The following AGBL2 variants were observed in gnomAD, a reference collection of about 807,000 sequenced individuals.
AGBL2 encodes AGBL carboxypeptidase 2.
In AGBL2, 87 loss-of-function variants were observed where a neutral mutation model predicts 103.0. The ratio of observed to expected loss-of-function variants is 0.84; its 90% CI spans 0.71 to 1.01. AGBL2 has a LOEUF of 1.01. Among genes scored for constraint, AGBL2 ranks in the 50% least tolerant of loss-of-function variants. AGBL2 has a pLI of 0.00. For synonymous variants in AGBL2, 335 were observed against 356.7 expected, an observed-to-expected ratio of 0.94 and a Z score of 0.69; for missense variants, 904 against 1,023.5, an observed-to-expected ratio of 0.88 and a Z score of 1.59.
At chr11:47,670,902 G>C (rs1042299055) in intron 14 of AGBL2, among the ~76,000 whole-genome samples, 19 of 151,942 alleles carry the variant, frequency 1.3e-4, no homozygotes, top group African/African-American at 4.4e-4. Context: ...GGTTGAGCTG[G>C]GAGGATCATT....
intron 14 of AGBL2, among the ~76,000 whole-genome samples, chr11:47,671,482 C>T (rs1276147009): frequency 1.3e-5 from 2 of 152,070 alleles, no homozygotes; most frequent in Non-Finnish European, 2.9e-5. Flanking sequence ...GAGCCGAGAT[C>T]GCACCACTAC....
At chr11:47,667,419 CT>C (rs2097344140) in intron 16 of AGBL2, 151 bp downstream of exon 16, 1 of 970,654 alleles carries the variant, frequency 1.0e-6, no homozygotes, top group Admixed American at 2.5e-5. Context: ...CGGAGGGCCC[CT>C]GGAAGGGTTC....
intron 7 of AGBL2, among the ~76,000 whole-genome samples, chr11:47,701,973 CAAAA>C (rs11319513): frequency 2.8e-5 from 3 of 107,614 alleles, no homozygotes; most frequent in Admixed American, 9.7e-5. Context: ...ACTCTGTTCT[CAAAA>C]AAAAAAAAAA....
chr11:47,701,327 C>T (rs973253284), intron 7 of AGBL2, among the ~76,000 whole-genome samples: 2 of 150,866 alleles, frequency 1.3e-5, no homozygotes, highest in African/African-American at 2.4e-5. Context: ...AAAAATTAGC[C>T]AGGCGTGGTG....
chr11:47,702,702 C>T lies in AGBL2; in HGVS notation c.586+1841G>A, dbSNP rs60038728. On this transcript the variant is annotated intron_variant, in intron 7 of 18. Coordinates refer to ENST00000525123, the MANE Select transcript of AGBL2 (RefSeq NM_024783.4). ...CAGCCTGACCAAGATGGTGAAACCC[C>T]GTCTGTACTAAAAATACAAAAATTA... Among the ~76,000 whole-genome samples, 4 of 151,618 alleles carry T rather than the reference C, an allele frequency of 2.6e-5. No individual in the cohort carries two copies. In the East Asian group the frequency reaches 7.8e-4, roughly 29 times the overall value.
At chr11:47,678,325 A>ATTATTTTTTTTTTT in intron 13 of AGBL2, among the ~76,000 whole-genome samples, 1 of 116,168 alleles carries the variant, frequency 8.6e-6, no homozygotes, top group South Asian at 3.9e-4. Context: ...ATTTTATTTT[A>ATTATTTTTTTTTTT]TTTTATTTTA....
At position 47,660,193 on chromosome 11, in the gene AGBL2, G is replaced by A; in HGVS notation, c.2689C>T (p.His897Tyr). The A allele has an allele frequency of 2.5e-6, 4 of 1,614,006 alleles. No individual in the cohort carries two copies. The highest frequency in any genetic ancestry group is 2.5e-6 in the Non-Finnish European group (3 of 1,179,996). Residue 897 changes from histidine to tyrosine, a missense_variant, in exon 19 of 19, where the codon CAC (histidine) becomes TAC (tyrosine). His to Tyr is a moderately conservative substitution (Grantham distance 83). Transcript: ENST00000525123. ...CAAMAAYPSL[H>Y]IYTYP is the part of the protein sequence containing the mutation. Reference sequence around the variant, plus strand: ...CTCACCTACGGGTATGTGTATATGTGCAAGGATGGGTATGCCGCCATGGCA... The same window carrying A: ...CTCACCTACGGGTATGTGTATATGTACAAGGATGGGTATGCCGCCATGGCA...
chr11:47,714,466 G>T (rs879021245), intron 2 of AGBL2, 119 bp from the exon 3 acceptor site: 1 of 1,317,380 alleles, frequency 7.6e-7, no homozygotes, highest in Non-Finnish European at 1.1e-6. Flanking sequence ...TGCATTCCAT[G>T]CGAATTATTC....
Position 47,704,705 on chromosome 11 carries a change from G to A in AGBL2, c.424C>T (p.His142Tyr), listed in dbSNP as rs1036824708. 8.7e-6 allele frequency: 14 copies of A among 1,613,960 alleles called. No individual in the cohort carries two copies. Among genetic ancestry groups the A allele is most frequent in the Non-Finnish European group, 1.2e-5 (14 of 1,180,024 alleles). Reference sequence around the variant, plus strand: ...TAAAGAAGCTGTCTGCTCCTAAGATGTGGTAAACTCAGCATATGTGAATCT... The same window carrying A: ...TAAAGAAGCTGTCTGCTCCTAAGATATGGTAAACTCAGCATATGTGAATCT... ...ITDSHMLSLP[H>Y]LRSRQLLYDE... The change falls in exon 7 of 19, where the codon CAT becomes TAT. Residue 142 changes from histidine (H) to tyrosine (Y), a missense_variant. Coordinates refer to ENST00000525123, the MANE Select transcript of AGBL2 (RefSeq NM_024783.4).
chr11:47,694,101 G>A (rs4752861), intron 8 of AGBL2, among the ~76,000 whole-genome samples: 1 of 152,106 alleles, frequency 6.6e-6, no homozygotes, highest in Non-Finnish European at 1.5e-5. Flanking sequence ...GGGATGCTGA[G>A]GCGGCAGGAT....
rs778128822 is a variant in AGBL2 at position 47,685,881 on chromosome 11, T to C, written c.1788+12A>G. 6.2e-7 allele frequency: 1 copy of C among 1,611,838 alleles called. No homozygotes were observed. Among genetic ancestry groups the C allele is most frequent in the African/African-American group, 1.3e-5 (1 of 74,816 alleles). On this transcript the variant is annotated intron_variant, in intron 11 of 18. Transcript: ENST00000525123. ...CTAACTCAATGGAGAGAAAATTACA[T>C]TATGTGCTTACCTTATCTGGTGCAT...
chr11:47,680,784 C>T (rs1156295716), intron 12 of AGBL2, among the ~76,000 whole-genome samples: 1 of 40,718 alleles, frequency 2.5e-5, no homozygotes, highest in Non-Finnish European at 7.0e-5. Flanking sequence ...GAGGGAGACC[C>T]TGAAACAAAA....
intron 8 of AGBL2, among the ~76,000 whole-genome samples, chr11:47,694,772 G>C (rs10838747): frequency 0.28 from 41,949 of 152,094 alleles, 6,814 homozygotes; most frequent in Middle Eastern, 0.38. Flanking sequence ...TCCAACACCA[G>C]CATTCCACAT....
chr11:47,668,928 G>A, intron 14 of AGBL2, 21 bp from the exon 15 acceptor site: 1 of 1,579,918 alleles, frequency 6.3e-7, no homozygotes, highest in Non-Finnish European at 8.7e-7. Flanking sequence ...AAGAAAAAAA[G>A]AAGAGGAAAT....
At chr11:47,709,760 G>C (rs746976217) in intron 4 of AGBL2, among the ~76,000 whole-genome samples, 6 of 151,630 alleles carry the variant, frequency 4.0e-5, no homozygotes, top group African/African-American at 1.2e-4. Context: ...GCTAATTTTT[G>C]TATGTTTCTG....
At chr11:47,710,063 A>G (rs2097532583) in intron 4 of AGBL2, among the ~76,000 whole-genome samples, 1 of 151,490 alleles carries the variant, frequency 6.6e-6, no homozygotes, top group South Asian at 2.1e-4. Flanking sequence ...TAATTTTTAT[A>G]TTTTTAGTAG....
chr11:47,690,514 T>C lies in AGBL2; in HGVS notation c.1193A>G (p.Tyr398Cys), dbSNP rs1335710244. 6.2e-7 allele frequency: 1 copy of C among 1,613,992 alleles called. No homozygotes were observed. The highest frequency in any genetic ancestry group is 1.3e-5 in the African/African-American group (1 of 74,904). Residue 398 changes from tyrosine (Y) to cysteine (C), a missense_variant, in exon 10 of 19, where the codon TAT becomes TGT. Physicochemically the swap from Tyr to Cys is radical, Grantham distance 194 (BLOSUM62 -2). Coordinates refer to ENST00000525123, the MANE Select transcript of AGBL2 (RefSeq NM_024783.4). ...GTAGCATTGCAAATCAGTGTATGTA[T>C]ATGGGTAGAAGTGTGCAAAGAAGCA... ...DTCFFAHFYPYTYTDLQCYLL... is the reference protein window; with the variant it reads ...DTCFFAHFYPCTYTDLQCYLL...
chr11:47,714,177 C>T (rs1428776572), intron 3 of AGBL2, 107 bp downstream of exon 3: 3 of 791,746 alleles, frequency 3.8e-6, no homozygotes, highest in Non-Finnish European at 4.3e-6. Flanking sequence ...ATTTATTTGT[C>T]AATGCAAATT....
chr11:47,712,528 T>C (rs528896325), intron 3 of AGBL2, among the ~76,000 whole-genome samples: 12 of 152,342 alleles, frequency 7.9e-5, no homozygotes, highest in Non-Finnish European at 1.2e-4. Flanking sequence ...TAGTCATAGA[T>C]TGGAGAACCC....
Sources: gnomAD v4.1 joint callset for allele counts (sites outside exome capture counted in the v4.1 genomes callset) on GRCh38, gnomAD v4.1.1 for gene constraint, MANE v1.5 for transcripts, NCBI Gene and HGNC (gene_info 2026-07-23, HGNC 2026-07-21) for gene names.